Variants in ACO2 observed in about 807,000 individuals in gnomAD.
ACO2 encodes the protein aconitase 2, also known as aconitate hydratase, mitochondrial.
Under a neutral mutation model 84.5 loss-of-function variants are expected in ACO2, and 31 were observed. The ratio of observed to expected loss-of-function variants is 0.37; its 90% CI spans 0.28 to 0.50. The LOEUF (loss-of-function observed/expected upper bound fraction) is 0.50. Among genes scored for constraint, ACO2 ranks in the 20% least tolerant of loss-of-function variants. The pLI is 0.97. For synonymous variants in ACO2, 414 were observed against 412.7 expected (o/e 1.00, Z -0.04); for missense variants, 685 against 1,029.3 (o/e 0.67, Z 4.58).
intron 3 of ACO2, 79 bp from the exon 4 acceptor site, chr22:41,511,797 T>G: frequency 7.2e-6 from 7 of 973,170 alleles, no homozygotes; most frequent in Non-Finnish European, 9.1e-6. Flanking sequence ...GGGAGGCTGA[T>G]GGGGTGGGGA....
intron 1 of ACO2, among the ~76,000 whole-genome samples, chr22:41,496,546 T>C (rs2066314987): frequency 6.6e-6 from 1 of 152,184 alleles, no homozygotes; most frequent in Non-Finnish European, 1.5e-5. Context: ...GGGGCCATCC[T>C]TAAACCCAGG....
At position 41,494,662 on chromosome 22, in the gene ACO2, C is replaced by T. The variant is rs146048027; in HGVS notation, c.37-5064C>T. ...CTGACCTCAAGTGATCCGCCTACCTCGGCCTCCCAAAGTACTGGGATTACA... is the reference window on the plus strand; with the variant it reads ...CTGACCTCAAGTGATCCGCCTACCTTGGCCTCCCAAAGTACTGGGATTACA... On this transcript the variant is annotated intron_variant, in intron 1 of 17. Coordinates refer to ENST00000216254, the MANE Select transcript of ACO2 (RefSeq NM_001098.3). Among the ~76,000 whole-genome samples the T allele has an allele frequency of 6.6e-3, 1,011 of 152,136 alleles. 8 individuals are homozygous for T. The highest frequency in any genetic ancestry group is 8.2e-3 in the Non-Finnish European group (560 of 67,994).
intron 2 of ACO2, among the ~76,000 whole-genome samples, chr22:41,501,193 G>C (rs1425812541): frequency 6.6e-6 from 1 of 151,976 alleles, no homozygotes; most frequent in Admixed American, 6.6e-5. Flanking sequence ...TTGTAGAGAT[G>C]GGGTATCGCC....
chr22:41,481,879 A>G (rs2038092195), intron 1 of ACO2, among the ~76,000 whole-genome samples: 1 of 152,136 alleles, frequency 6.6e-6, no homozygotes. Flanking sequence ...ACCAGAATAG[A>G]CCATTTTTTG....
chr22:41,479,061 G>C (rs1172019883), intron 1 of ACO2, among the ~76,000 whole-genome samples: 1 of 152,198 alleles, frequency 6.6e-6, no homozygotes, highest in Non-Finnish European at 1.5e-5. Context: ...AGAGCTCTAA[G>C]ACAAGGGCCC....
chr22:41,517,402 C>A, intron 6 of ACO2, 125 bp from the exon 7 acceptor site: 1 of 781,402 alleles, frequency 1.3e-6, no homozygotes. Flanking sequence ...GCTGTCACCA[C>A]ATCTCTCTGA....
intron 1 of ACO2, among the ~76,000 whole-genome samples, chr22:41,491,049 C>A (rs79788700): frequency 4.0e-5 from 6 of 151,764 alleles, no homozygotes; most frequent in Non-Finnish European, 1.5e-5. Context: ...GCTGGGGATT[C>A]GGAGAAGGAT....
Position 41,527,957 on chromosome 22 carries a change from TACA to T in ACO2, c.2148_2150del (p.Asn716del), listed in dbSNP as rs2066638829. ...TCTGACCTTCGCTGACCCGGCTGAC[TACA>T]ACAAGATTCACCCTGTGGACAAGCT... is the stretch of plus-strand genomic sequence containing the variant. On this transcript the variant is annotated inframe_deletion, in exon 17 of 18. Coordinates refer to ENST00000216254, the MANE Select transcript of ACO2 (RefSeq NM_001098.3). 4.3e-6 allele frequency: 7 copies of T among 1,614,130 alleles called. No homozygotes were observed. The highest frequency in any genetic ancestry group is 3.4e-6 in the Non-Finnish European group (4 of 1,180,008).
At chr22:41,523,492 T>TGAAGCCTGGGCTGGCAGGAG (rs1254978019) in intron 11 of ACO2, among the ~76,000 whole-genome samples, 2 of 152,220 alleles carry the variant, frequency 1.3e-5, no homozygotes, top group Non-Finnish European at 2.9e-5. Flanking sequence ...GCAACTTGGC[T>TGAAGCCTGGGCTGGCAGGAG]GAAGCCTGGG....
rs766352965 is a variant in ACO2, at chr22:41,526,246, C to T, written c.1762-16C>T. 15 of 1,608,864 alleles carry T rather than the reference C, an allele frequency of 9.3e-6. No individual in the cohort carries two copies. Among genetic ancestry groups the T allele is most frequent in the African/African-American group, 2.7e-5 (2 of 74,836 alleles). ...GGCCATGCCCTGACCTCTGTCCTCT[C>T]TACTTACCACCCAAGGTCAAAGGGA... On this transcript the variant is annotated splice_polypyrimidine_tract_variant and intron_variant, in intron 14 of 17. Coordinates refer to ENST00000216254, the MANE Select transcript of ACO2 (RefSeq NM_001098.3).
In ACO2 at chr22:41,500,109, G is replaced by A. The variant is rs1489166982; in HGVS notation, c.173+247G>A. Reference sequence around the variant, plus strand: ...ATGTGAACCACAGCCAGGTCTCTGAGACACTTTGGCACTATAACCTGAACC... The same window carrying A: ...ATGTGAACCACAGCCAGGTCTCTGAAACACTTTGGCACTATAACCTGAACC... On this transcript the variant is annotated intron_variant, in intron 2 of 17. Transcript: ENST00000216254. 3.9e-5 allele frequency among the ~76,000 whole-genome samples: 6 copies of A among 152,154 alleles called. 1 individual carries two copies. In the South Asian group the frequency reaches 1.0e-3, roughly 26 times the overall value.
rs528505433 is a variant in ACO2, at chr22:41,487,377, C to T, written c.37-12349C>T. Among the ~76,000 whole-genome samples the T allele has an allele frequency of 1.1e-4, 17 of 152,354 alleles. No individual in the cohort carries two copies. The South Asian group carries it at 2.3e-3, about 20-fold the overall frequency. ...GTTACAGCAGCTTAACTTTTTATCA[C>T]AGCACTTCTCTCACATAGTCACTTA... On this transcript the variant is annotated intron_variant, in intron 1 of 17. Transcript: ENST00000216254.
At chr22:41,479,186 C>T (rs2038057834) in intron 1 of ACO2, among the ~76,000 whole-genome samples, 2 of 152,114 alleles carry the variant, frequency 1.3e-5, no homozygotes, top group African/African-American at 4.8e-5. Flanking sequence ...TAAGTACAGC[C>T]TCAGCCACCC....
At position 41,526,772 on chromosome 22, in the gene ACO2, A is replaced by G. The variant is rs2066607281; in HGVS notation, c.1953+319A>G. On this transcript the variant is annotated intron_variant, in intron 15 of 17. Coordinates refer to ENST00000216254, the MANE Select transcript of ACO2 (RefSeq NM_001098.3). ...GCCAAAAGCTCAGAGAGGGGGCTAC[A>G]CGGGGCCTCACAGTGAGCAGGCAGA... The G allele has an allele frequency of 1.1e-5, 4 of 349,598 alleles. No homozygotes were observed. The East Asian group carries it at 1.6e-4, about 14-fold the overall frequency. 21.7% of individuals were successfully genotyped at this position (349,598 alleles called of 1,614,324 possible). A position where few individuals can be genotyped will look rare whatever the true frequency, so the allele number is the denominator to read the frequency against.
At chr22:41,502,317 A>G (rs1197432562) in intron 2 of ACO2, among the ~76,000 whole-genome samples, 1 of 151,824 alleles carries the variant, frequency 6.6e-6, no homozygotes, top group Non-Finnish European at 1.5e-5. Flanking sequence ...AGCATCTTAG[A>G]CCCCACTCCA....
intron 4 of ACO2, among the ~76,000 whole-genome samples, chr22:41,513,925 GACC>G (rs2066456613): frequency 6.6e-6 from 1 of 151,956 alleles, no homozygotes; most frequent in Non-Finnish European, 1.5e-5. Flanking sequence ...CCTGGATGTG[GACC>G]ACAAGTGTCT....
At chr22:41,523,376 C>T (rs763180569) in intron 11 of ACO2, 98 bp downstream of exon 11, 41 of 920,310 alleles carry the variant, frequency 4.5e-5, no homozygotes, top group Non-Finnish European at 6.4e-5. Flanking sequence ...GAAGAGACTC[C>T]AGCCAAGGTC....
intron 1 of ACO2, among the ~76,000 whole-genome samples, chr22:41,477,224 A>G (rs1046813314): frequency 6.7e-6 from 1 of 150,374 alleles, no homozygotes; most frequent in Non-Finnish European, 1.5e-5. Flanking sequence ...CGCGATCTCC[A>G]CTCAGTTCAA....
chr22:41,480,657 T>C (rs1197243661), intron 1 of ACO2, among the ~76,000 whole-genome samples: 1 of 152,218 alleles, frequency 6.6e-6, no homozygotes, highest in Non-Finnish European at 1.5e-5. Flanking sequence ...CCAAGCTCTA[T>C]GCCTTTCGTA....
Sources: gnomAD v4.1 joint callset for allele counts (sites outside exome capture counted in the v4.1 genomes callset) on GRCh38, gnomAD v4.1.1 for gene constraint, MANE v1.5 for transcripts, NCBI Gene and HGNC (gene_info 2026-07-23, HGNC 2026-07-21) for gene names.